ASIC2: variants seen among roughly 807,000 people sequenced by gnomAD.
ASIC2 encodes the protein acid-sensing ion channel 2.
Under a neutral mutation model 57.3 loss-of-function variants are expected in ASIC2, and 25 were observed. The observed-to-expected ratio is 0.44, with a 90% CI of 0.32 to 0.61. The LOEUF (loss-of-function observed/expected upper bound fraction) is 0.61. Among genes scored for constraint, ASIC2 ranks in the 20% least tolerant of loss-of-function variants. The pLI, the probability that ASIC2 is intolerant of heterozygous loss-of-function variation, is 0.06. For missense variants in ASIC2, 641 were observed against 738.1 expected, an observed-to-expected ratio of 0.87 and a Z score of 1.52; for synonymous variants, 319 against 307.5, an observed-to-expected ratio of 1.04 and a Z score of -0.39.
At chr17:33,344,286 G>A (rs976929742) in intron 1 of ASIC2, among the ~76,000 whole-genome samples, 1 of 152,184 alleles carries the variant, frequency 6.6e-6, no homozygotes, top group Non-Finnish European at 1.5e-5. Flanking sequence ...GGGAGCAGAT[G>A]CCTGTTGTCA....
At chr17:33,281,387 A>G (rs1162540043) in intron 1 of ASIC2, among the ~76,000 whole-genome samples, 1 of 152,140 alleles carries the variant, frequency 6.6e-6, no homozygotes, top group African/African-American at 2.4e-5. Context: ...GATGAAGATA[A>G]TAGTGGTAGC....
chr17:33,613,349 G>C (rs1055988483), intron 1 of ASIC2, among the ~76,000 whole-genome samples: 1 of 150,522 alleles, frequency 6.6e-6, no homozygotes, highest in African/African-American at 2.4e-5. Context: ...CATTTTCTTT[G>C]GGGAAAAAGA....
intron 1 of ASIC2, chr17:33,530,205 G>C (rs760056213): frequency 6.6e-6 from 1 of 152,230 alleles, no homozygotes; most frequent in Non-Finnish European, 1.5e-5. Context: ...GTGTCTGTGA[G>C]TAGAAAGCAG....
chr17:33,525,105 C>T (rs902358273), intron 1 of ASIC2, among the ~76,000 whole-genome samples: 2 of 152,166 alleles, frequency 1.3e-5, no homozygotes, highest in Admixed American at 1.3e-4. Context: ...TTATTCTTGA[C>T]GTTCCCTCTA....
At chr17:33,076,207 G>A (rs2092088503) in intron 3 of ASIC2, among the ~76,000 whole-genome samples, 1 of 152,140 alleles carries the variant, frequency 6.6e-6, no homozygotes, top group Non-Finnish European at 1.5e-5. Context: ...TCCAAAAAGG[G>A]AAACTTCTGA....
intron 1 of ASIC2, among the ~76,000 whole-genome samples, chr17:33,819,150 A>G (rs1422429099): frequency 1.3e-5 from 2 of 152,234 alleles, no homozygotes; most frequent in African/African-American, 2.4e-5. Context: ...GCTGGTAAGT[A>G]TGCCTCTCAG....
At chr17:33,523,804 C>A (rs562975961) in intron 1 of ASIC2, among the ~76,000 whole-genome samples, 78 of 152,318 alleles carry the variant, frequency 5.1e-4, no homozygotes, top group African/African-American at 1.8e-3. Context: ...GCTGATGTAG[C>A]TCCAGGGAGG....
At chr17:33,356,395 C>A (rs1908373622) in intron 1 of ASIC2, among the ~76,000 whole-genome samples, 1 of 152,094 alleles carries the variant, frequency 6.6e-6, no homozygotes, top group Non-Finnish European at 1.5e-5. Flanking sequence ...CAGGGCTTTC[C>A]CACCCCTGAA....
intron 1 of ASIC2, among the ~76,000 whole-genome samples, chr17:33,597,318 GT>G (rs902193198): frequency 5.3e-5 from 8 of 152,134 alleles, no homozygotes; most frequent in Admixed American, 2.6e-4. Flanking sequence ...GTGGCGGAGA[GT>G]TTTTTTCACC....
intron 1 of ASIC2, among the ~76,000 whole-genome samples, chr17:33,811,378 C>G (rs779057799): frequency 6.6e-6 from 1 of 152,198 alleles, no homozygotes; most frequent in African/African-American, 2.4e-5. Context: ...ACAAACAACT[C>G]GTCTTAGAGA....
chr17:33,348,462 C>T (rs1020779375), intron 1 of ASIC2, among the ~76,000 whole-genome samples: 3 of 152,112 alleles, frequency 2.0e-5, no homozygotes, highest in Non-Finnish European at 4.4e-5. Flanking sequence ...TCACGAGTTG[C>T]AGGTGATGCT....
intron 1 of ASIC2, among the ~76,000 whole-genome samples, chr17:33,164,123 C>A (rs767136768): frequency 1.3e-5 from 2 of 152,224 alleles, no homozygotes; most frequent in African/African-American, 4.8e-5. Flanking sequence ...TCGCCTGGTC[C>A]TGGGTTCCAA....
At chr17:34,135,287 A>C (rs1469654074) in intron 1 of ASIC2, among the ~76,000 whole-genome samples, 4 of 152,272 alleles carry the variant, frequency 2.6e-5, no homozygotes, top group African/African-American at 9.6e-5. Context: ...TGGCAGCTGA[A>C]TCACTGAAAG....
At chr17:33,513,419 C>A (rs532289227) in intron 1 of ASIC2, among the ~76,000 whole-genome samples, 2 of 152,356 alleles carry the variant, frequency 1.3e-5, no homozygotes, top group East Asian at 3.9e-4. Flanking sequence ...CTTTTCATTA[C>A]TTTCTAGATA....
chr17:34,156,170 C>T lies in ASIC2; in HGVS notation c.363G>A (p.Leu121=), dbSNP rs1161303391. The change falls in exon 1 of 10, where the codon CTG becomes CTA. Residue 121 remains leucine, a synonymous_variant. Coordinates refer to the ASIC2 transcript ENST00000359872. The surrounding 1 kb of genome is among the most constrained non-coding windows in gnomAD (Gnocchi z 4.4). ...CAGCCAGATGGGGGTCCGGGATCTG[C>T]AGGTTGACATCCAGCAGGGCCAGCA... 6.2e-7 allele frequency: 1 copy of T among 1,613,984 alleles called. No homozygotes were observed. The highest frequency in any genetic ancestry group is 8.5e-7 in the Non-Finnish European group (1 of 1,180,028).
intron 1 of ASIC2, among the ~76,000 whole-genome samples, chr17:33,263,002 C>A: frequency 6.6e-6 from 1 of 152,188 alleles, no homozygotes; most frequent in African/African-American, 2.4e-5. Context: ...GAAAGAAATT[C>A]ATGGATGTTT....
chr17:33,450,720 C>T (rs1369272052), intron 1 of ASIC2, among the ~76,000 whole-genome samples: 1 of 152,198 alleles, frequency 6.6e-6, no homozygotes, highest in Non-Finnish European at 1.5e-5. Context: ...GAGACTGCCT[C>T]CATGACTTTG....
intron 2 of ASIC2, among the ~76,000 whole-genome samples, chr17:33,093,180 T>TA (rs933264196): frequency 1.3e-5 from 2 of 152,148 alleles, no homozygotes; most frequent in Non-Finnish European, 2.9e-5. Context: ...GCATTGTTAT[T>TA]AAAAAATAAA....
intron 1 of ASIC2, among the ~76,000 whole-genome samples, chr17:33,956,546 A>C (rs1904740898): frequency 6.6e-6 from 1 of 152,152 alleles, no homozygotes; most frequent in Non-Finnish European, 1.5e-5. Flanking sequence ...GGAAAAGCCA[A>C]CTCAGGAGCC....
Sources: allele counts gnomAD v4.1 joint callset (sites outside exome capture counted in the v4.1 genomes callset), GRCh38; gene constraint gnomAD v4.1.1; non-coding constraint Gnocchi (gnomAD v3.1); transcripts MANE v1.5; gene names NCBI Gene and HGNC (gene_info 2026-07-23, HGNC 2026-07-21).